Variants in SPPL2B observed in about 807,000 individuals in gnomAD.
SPPL2B encodes the protein signal peptide peptidase like 2B, also known as signal peptide peptidase-like 2B.
Under a neutral mutation model 59.7 loss-of-function variants are expected in SPPL2B, and 39 were observed. The ratio of observed to expected loss-of-function variants is 0.65; its 90% CI spans 0.51 to 0.85. The LOEUF is 0.85. SPPL2B is among the 40% of genes least tolerant of loss of function. The probability of loss-of-function intolerance (pLI) is 0.00; values close to 1 mark genes in which losing one functional copy is unlikely to be tolerated. For missense variants in SPPL2B, 865 were observed against 849.0 expected (o/e 1.02, Z -0.23); for synonymous variants, 419 against 370.8 (o/e 1.13, Z -1.49).
intron 7 of SPPL2B, chr19:2,340,421 C>A: frequency 1.6e-6 from 1 of 637,554 alleles, no homozygotes; most frequent in Non-Finnish European, 2.8e-6. Flanking sequence ...GAACCCTGCC[C>A]CAGGTCGCAG....
rs369670940 is a variant in SPPL2B at position 2,353,091 on chromosome 19, G to T, written c.1661G>T (p.Arg554Leu). The T allele has an allele frequency of 3.9e-5, 63 of 1,611,354 alleles. No homozygotes were observed. The highest frequency in any genetic ancestry group is 5.2e-5 in the Non-Finnish European group (61 of 1,179,416). ...PWPAEQSPKS[R>L]TSEEMGAGAP... Reference sequence around the variant, plus strand: ...CCTGCTGAGCAGTCCCCAAAATCACGCACGTCCGAGGAGATGGGGGCTGGA... The same window carrying T: ...CCTGCTGAGCAGTCCCCAAAATCACTCACGTCCGAGGAGATGGGGGCTGGA... Residue 554 changes from arginine (R) to leucine (L), a missense_variant, in exon 15 of 15, where the codon CGC becomes CTC. Arg to Leu is a moderately radical substitution (Grantham distance 102, BLOSUM62 -2). Transcript: ENST00000613503.
At chr19:2,343,626 A>G (rs371014955) in intron 9 of SPPL2B, among the ~76,000 whole-genome samples, 21 of 152,012 alleles carry the variant, frequency 1.4e-4, no homozygotes, top group African/African-American at 3.9e-4. Context: ...AGGCGGCTGC[A>G]CTCCCGTGAG....
chr19:2,348,438 C>T, intron 13 of SPPL2B, among the ~76,000 whole-genome samples: 1 of 129,696 alleles, frequency 7.7e-6, no homozygotes, highest in South Asian at 2.8e-4. Context: ...TTCTCTCCCT[C>T]CACACACACT....
chr19:2,329,272 A>G (rs1316479050), intron 1 of SPPL2B, among the ~76,000 whole-genome samples: 2 of 152,196 alleles, frequency 1.3e-5, no homozygotes, highest in Non-Finnish European at 2.9e-5. Flanking sequence ...TGGAGCGGCC[A>G]GGAGTCCAGC....
In SPPL2B at chr19:2,339,816, C is replaced by A; in HGVS notation, c.600-8C>A. The A allele has an allele frequency of 6.2e-7, 1 of 1,604,632 alleles. No individual in the cohort carries two copies. The highest frequency in any genetic ancestry group is 8.5e-7 in the Non-Finnish European group (1 of 1,175,848). ...CCAGGGCCCCACGACCCCATGGTGT[C>A]TCCCAAGAAGGTACATGAAGCACAA... is the stretch of plus-strand genomic sequence containing the variant. On this transcript the variant is annotated splice_region_variant and splice_polypyrimidine_tract_variant and intron_variant, in intron 5 of 14. Coordinates refer to ENST00000613503, the MANE Select transcript of SPPL2B (RefSeq NM_152988.3).
intron 4 of SPPL2B, 52 bp from the exon 5 acceptor site, chr19:2,339,017 C>T: frequency 6.5e-7 from 1 of 1,532,950 alleles, no homozygotes; most frequent in Non-Finnish European, 8.8e-7. Context: ...CACGTCGACC[C>T]ATGGCTGGCG....
intron 13 of SPPL2B, among the ~76,000 whole-genome samples, chr19:2,347,335 G>A (rs1391478369): frequency 5.9e-5 from 4 of 68,202 alleles, no homozygotes; most frequent in African/African-American, 1.1e-4. Context: ...GCTCTCATTC[G>A]CCTGATTCCG....
chr19:2,338,072 T>C, intron 3 of SPPL2B: 1 of 161,190 alleles, frequency 6.2e-6, no homozygotes, highest in Non-Finnish European at 1.4e-5. Flanking sequence ...CCTGGCCCCT[T>C]TTCCATCTTC....
chr19:2,353,133 C>G lies in SPPL2B; in HGVS notation c.1703C>G (p.Pro568Arg). 1 of 1,610,838 alleles carries G rather than the reference C, an allele frequency of 6.2e-7. No individual in the cohort carries two copies. The highest frequency in any genetic ancestry group is 8.5e-7 in the Non-Finnish European group (1 of 1,179,274). ...EMGAGAPMRE[P>R]GSPAESEGRD... ...GGGGCTGGAGCCCCCATGCGGGAGCCTGGGAGCCCAGCTGAATCCGAGGGC... is the reference window on the plus strand; with the variant it reads ...GGGGCTGGAGCCCCCATGCGGGAGCGTGGGAGCCCAGCTGAATCCGAGGGC... Residue 568 changes from proline (P) to arginine (R), a missense_variant, in exon 15 of 15, where the codon CCT becomes CGT. Physicochemically the swap from Pro to Arg is moderately radical, Grantham distance 103 (BLOSUM62 -2). Coordinates refer to ENST00000613503, the MANE Select transcript of SPPL2B (RefSeq NM_152988.3).
At chr19:2,340,773 A>C in intron 7 of SPPL2B, 125 bp from the exon 8 acceptor site, 2 of 614,026 alleles carry the variant, frequency 3.3e-6, no homozygotes, top group Non-Finnish European at 5.7e-6. Context: ...TGTGGAGTTT[A>C]ATGAGGACAA....
At chr19:2,341,857 G>A (rs776274730) in intron 8 of SPPL2B, 1 of 328,042 alleles carries the variant, frequency 3.0e-6, no homozygotes, top group South Asian at 2.3e-5. Flanking sequence ...CCAGCATTTG[G>A]TAGGCCAAGG....
In SPPL2B at chr19:2,351,485, G is replaced by A. The variant is rs201607701; in HGVS notation, c.1406G>A (p.Arg469His). The change falls in exon 14 of 15, where the codon CGT becomes CAT. Residue 469 changes from arginine (R) to histidine (H), a missense_variant. Coordinates refer to ENST00000613503, the MANE Select transcript of SPPL2B (RefSeq NM_152988.3). ...VTFVALALMQ[R>H]GQPALLYLVP... is the part of the protein sequence containing the mutation. ...TTCGTGGCACTGGCCCTGATGCAGC[G>A]TGGCCAGCCCGCTCTCCTCTACCTG... The A allele has an allele frequency of 7.5e-6, 12 of 1,610,044 alleles. No individual in the cohort carries two copies. The highest frequency in any genetic ancestry group is 4.0e-5 in the African/African-American group (3 of 74,914).
chr19:2,344,553 C>T lies in SPPL2B; in HGVS notation c.1177C>T (p.Leu393=), dbSNP rs1004221355. The T allele has an allele frequency of 3.7e-6, 6 of 1,611,580 alleles. No individual in the cohort carries two copies. In the Admixed American group the frequency reaches 5.0e-5, roughly 13 times the overall value. ...GPSDSATREK[L]PMVLKVPRLN... ...CATTGTCCTCTTCCCGTCTTTGCAG[C>T]TGCCCATGGTCCTGAAGGTGCCCAG... Residue 393 remains leucine (L), a splice_region_variant and synonymous_variant, in exon 12 of 15, where the codon CTG becomes TTG. Transcript: ENST00000613503.
chr19:2,351,300 A>T, intron 13 of SPPL2B, 134 bp from the exon 14 acceptor site: 1 of 699,856 alleles, frequency 1.4e-6, no homozygotes, highest in East Asian at 2.6e-5. Context: ...CTGCCGGCTG[A>T]ACCCCCACTG....
chr19:2,338,556 T>A, intron 3 of SPPL2B, 196 bp from the exon 4 acceptor site: 1 of 548,144 alleles, frequency 1.8e-6, no homozygotes, highest in Non-Finnish European at 3.3e-6. Flanking sequence ...GAAGGCTTGA[T>A]GCCCTTCGGC....
rs564421622 is a variant in SPPL2B at position 2,352,929 on chromosome 19, C to T, written c.1516-17C>T. 178 of 1,611,814 alleles carry T rather than the reference C, an allele frequency of 1.1e-4. No individual in the cohort carries two copies. The highest frequency in any genetic ancestry group is 1.5e-4 in the Admixed American group (9 of 59,898). On this transcript the variant is annotated splice_polypyrimidine_tract_variant and intron_variant, in intron 14 of 14. Transcript: ENST00000613503. ...GGTCCCTGTCTCCGCCTCACCTCTG[C>T]CTCCCTTCTCCTGTAGAAAGTCCTA...
At chr19:2,334,244 G>C (rs890092370) in intron 1 of SPPL2B, among the ~76,000 whole-genome samples, 1 of 152,228 alleles carries the variant, frequency 6.6e-6, no homozygotes, top group African/African-American at 2.4e-5. Flanking sequence ...TCTGCCCGTG[G>C]CTCTGCCCGT....
chr19:2,342,874 T>C (rs1476002716), intron 8 of SPPL2B: 4 of 276,706 alleles, frequency 1.4e-5, no homozygotes, highest in East Asian at 7.2e-5. Context: ...GCCAGGCCCG[T>C]GTCCACCGTC....
chr19:2,349,812 G>T (rs1969786686), intron 13 of SPPL2B, among the ~76,000 whole-genome samples: 1 of 129,202 alleles, frequency 7.7e-6, no homozygotes, highest in Non-Finnish European at 1.6e-5. Flanking sequence ...GCTCTCATTC[G>T]CTTGACTCTG....
Sources: gnomAD v4.1 joint callset for allele counts (sites outside exome capture counted in the v4.1 genomes callset) on GRCh38, gnomAD v4.1.1 for gene constraint, MANE v1.5 for transcripts, NCBI Gene and HGNC (gene_info 2026-07-23, HGNC 2026-07-21) for gene names.